The following TMEM117 variants were observed in gnomAD, a reference collection of about 807,000 sequenced individuals.
The protein encoded by TMEM117 is transmembrane protein 117.
A neutral mutation model predicts 52.4 loss-of-function variants in TMEM117; 27 were observed. That is an observed-to-expected ratio of 0.51 (90% CI 0.38 to 0.71). The LOEUF (loss-of-function observed/expected upper bound fraction) is 0.71, where lower values mean the gene tolerates loss of function less well. Ranked by LOEUF, TMEM117 falls within the 30% of genes least tolerant of loss-of-function variation. TMEM117 has a pLI of 0.00. For synonymous variants in TMEM117, 215 were observed against 206.3 expected (o/e 1.04, Z -0.36); for missense variants, 556 against 630.5 (o/e 0.88, Z 1.26).
At chr12:43,996,831 A>G (rs1592425568) in intron 3 of TMEM117, among the ~76,000 whole-genome samples, 1 of 152,106 alleles carries the variant, frequency 6.6e-6, no homozygotes, top group East Asian at 1.9e-4. Flanking sequence ...AGCTTAGTGG[A>G]GCACTACCTT....
chr12:44,287,239 A>G (rs17094396), intron 5 of TMEM117, among the ~76,000 whole-genome samples: 7,112 of 152,272 alleles, frequency 0.047, 340 homozygotes, highest in African/African-American at 0.12. Flanking sequence ...GAAGATTCCA[A>G]CCACTCAAGC....
intron 4 of TMEM117, among the ~76,000 whole-genome samples, chr12:44,189,498 G>A (rs1049565761): frequency 6.6e-6 from 1 of 152,158 alleles, no homozygotes; most frequent in Non-Finnish European, 1.5e-5. Flanking sequence ...TTAGGCTCAT[G>A]TTATCATGAG....
At chr12:44,018,329 G>C (rs1405543042) in intron 3 of TMEM117, among the ~76,000 whole-genome samples, 1 of 152,104 alleles carries the variant, frequency 6.6e-6, no homozygotes, top group Non-Finnish European at 1.5e-5. Context: ...TTTTCTTTCA[G>C]ATGATTTGAT....
chr12:44,003,281 A>G (rs967682922), intron 3 of TMEM117, among the ~76,000 whole-genome samples: 1 of 152,220 alleles, frequency 6.6e-6, no homozygotes, highest in African/African-American at 2.4e-5. Context: ...GCCCATGGGT[A>G]GAAGCCATGT....
chr12:44,163,012 C>A (rs1001710637), intron 4 of TMEM117, among the ~76,000 whole-genome samples: 2 of 152,146 alleles, frequency 1.3e-5, no homozygotes, highest in Admixed American at 1.3e-4. Context: ...TGGTCAGCCT[C>A]GGTTCTTCTG....
At chr12:44,009,849 GTCAGGAACTGC>G (rs973901717) in intron 3 of TMEM117, 12 of 273,376 alleles carry the variant, frequency 4.4e-5, no homozygotes, top group African/African-American at 2.7e-4. Flanking sequence ...GTGCAAAATG[GTCAGGAACTGC>G]TCTAACATCA....
intron 5 of TMEM117, among the ~76,000 whole-genome samples, chr12:44,221,483 C>T (rs1406913593): frequency 5.3e-5 from 8 of 152,048 alleles, no homozygotes; most frequent in Non-Finnish European, 1.0e-4. Context: ...ATCAAATGTG[C>T]AAAAAGTTAG....
intron 6 of TMEM117, among the ~76,000 whole-genome samples, chr12:44,353,070 GT>G (rs1275830609): frequency 4.9e-4 from 74 of 152,084 alleles, no homozygotes; most frequent in Non-Finnish European, 4.4e-5. Context: ...TTTTTCATGT[GT>G]TTTTTGGCTG....
chr12:44,055,604 T>C (rs995560283), intron 3 of TMEM117, among the ~76,000 whole-genome samples: 47 of 152,282 alleles, frequency 3.1e-4, no homozygotes, highest in African/African-American at 1.1e-3. Context: ...GGTGTGCCGC[T>C]CTTTTTGTGT....
chr12:44,141,313 T>G (rs773407293), intron 3 of TMEM117, among the ~76,000 whole-genome samples: 11 of 152,070 alleles, frequency 7.2e-5, no homozygotes, highest in Admixed American at 1.3e-4. Flanking sequence ...GGGTTTGTTT[T>G]ACAGATTGTT....
chr12:44,060,261 G>A (rs536995170), intron 3 of TMEM117, among the ~76,000 whole-genome samples: 6 of 152,262 alleles, frequency 3.9e-5, no homozygotes, highest in Admixed American at 2.6e-4. Context: ...GAAATAAATG[G>A]GAAAAGAGCA....
intron 5 of TMEM117, among the ~76,000 whole-genome samples, chr12:44,286,492 G>A (rs1384918488): frequency 6.6e-6 from 1 of 152,062 alleles, no homozygotes; most frequent in African/African-American, 2.4e-5. Context: ...CCATAAATGA[G>A]TCAGCCCTTT....
At chr12:44,385,791 G>A (rs1432295692) in intron 7 of TMEM117, among the ~76,000 whole-genome samples, 1 of 152,100 alleles carries the variant, frequency 6.6e-6, no homozygotes, top group African/African-American at 2.4e-5. Context: ...CTACAGATTA[G>A]TGTCTCCTTA....
chr12:44,323,487 T>C (rs1215052162), intron 6 of TMEM117, among the ~76,000 whole-genome samples: 1 of 152,194 alleles, frequency 6.6e-6, no homozygotes, highest in Non-Finnish European at 1.5e-5. Flanking sequence ...TATTGTTTTA[T>C]GAACATCCAG....
At chr12:44,115,681 A>G (rs1948129079) in intron 3 of TMEM117, among the ~76,000 whole-genome samples, 3 of 152,254 alleles carry the variant, frequency 2.0e-5, no homozygotes, top group Admixed American at 1.3e-4. Context: ...TGCATTCATT[A>G]TAGTCATTAT....
At chr12:44,180,681 A>G (rs1380597226) in intron 4 of TMEM117, among the ~76,000 whole-genome samples, 2 of 151,730 alleles carry the variant, frequency 1.3e-5, no homozygotes, top group African/African-American at 4.8e-5. Context: ...AAGGACATGA[A>G]CTCATCATTT....
intron 2 of TMEM117, among the ~76,000 whole-genome samples, chr12:43,921,716 A>G (rs987030555): frequency 6.6e-6 from 1 of 152,020 alleles, no homozygotes; most frequent in East Asian, 1.9e-4. Flanking sequence ...TATGTATCTC[A>G]TCTTCTCAAC....
intron 3 of TMEM117, among the ~76,000 whole-genome samples, chr12:44,024,904 A>G (rs1417155813): frequency 6.6e-6 from 1 of 151,460 alleles, no homozygotes. Flanking sequence ...ATATAAGTAC[A>G]TATACATACA....
chr12:44,147,515 C>G (rs1948660395), intron 4 of TMEM117, among the ~76,000 whole-genome samples: 1 of 152,156 alleles, frequency 6.6e-6, no homozygotes, highest in African/African-American at 2.4e-5. Flanking sequence ...ACATCCTGTT[C>G]TAGTTGCTTC....
Sources: gnomAD v4.1 joint callset for allele counts (sites outside exome capture counted in the v4.1 genomes callset) on GRCh38, gnomAD v4.1.1 for gene constraint, MANE v1.5 for transcripts, NCBI Gene and HGNC (gene_info 2026-07-23, HGNC 2026-07-21) for gene names.